Variants in ATXN7L1 observed in about 807,000 individuals in gnomAD.
ATXN7L1 encodes the protein ataxin-7-like protein 1.
A neutral mutation model predicts 70.8 loss-of-function variants in ATXN7L1; 15 were observed. The observed-to-expected ratio is 0.21, with a 90% CI of 0.14 to 0.33. ATXN7L1 has a LOEUF of 0.33. ATXN7L1 is among the 10% of genes least tolerant of loss of function. ATXN7L1 has a pLI of 1.00. For missense variants in ATXN7L1, 975 were observed against 1,097.1 expected, an observed-to-expected ratio of 0.89 and a Z score of 1.57; for synonymous variants, 440 against 445.1, an observed-to-expected ratio of 0.99 and a Z score of 0.14.
chr7:105,663,857 C>A (rs1026713269), intron 4 of ATXN7L1, among the ~76,000 whole-genome samples: 6 of 152,108 alleles, frequency 3.9e-5, no homozygotes, highest in Non-Finnish European at 5.9e-5. Flanking sequence ...CCTCTGCCTC[C>A]CGGGTTGAAG....
intron 3 of ATXN7L1, among the ~76,000 whole-genome samples, chr7:105,721,019 A>G (rs1795121334): frequency 6.6e-6 from 1 of 152,060 alleles, no homozygotes; most frequent in African/African-American, 2.4e-5. Context: ...CTCTAACCCC[A>G]CACAAATTCT....
At chr7:105,729,203 C>G (rs556519119) in intron 3 of ATXN7L1, among the ~76,000 whole-genome samples, 2 of 151,540 alleles carry the variant, frequency 1.3e-5, no homozygotes, top group Non-Finnish European at 2.9e-5. Flanking sequence ...GCCAGGAGGT[C>G]GAGGCTACAG....
At chr7:105,753,819 G>T (rs1799474920) in intron 3 of ATXN7L1, among the ~76,000 whole-genome samples, 1 of 152,208 alleles carries the variant, frequency 6.6e-6, no homozygotes, top group Non-Finnish European at 1.5e-5. Flanking sequence ...CTATTTATGG[G>T]AGTTTTCTCT....
chr7:105,663,100 G>A (rs1462789484), intron 4 of ATXN7L1, among the ~76,000 whole-genome samples: 1 of 152,176 alleles, frequency 6.6e-6, no homozygotes, highest in East Asian at 1.9e-4. Context: ...ACACCATGCA[G>A]CCCCAGTAAA....
At chr7:105,841,902 C>T (rs929417212) in intron 2 of ATXN7L1, among the ~76,000 whole-genome samples, 4 of 152,186 alleles carry the variant, frequency 2.6e-5, no homozygotes, top group Non-Finnish European at 5.9e-5. Context: ...GACTACTGGA[C>T]TAATGCCTAG....
chr7:105,628,721 A>C (rs1467344909), intron 7 of ATXN7L1, among the ~76,000 whole-genome samples: 6 of 151,856 alleles, frequency 4.0e-5, no homozygotes, highest in Non-Finnish European at 7.4e-5. Flanking sequence ...TGAACCCGGG[A>C]GGCAGAGTTT....
At chr7:105,640,574 C>T (rs930002669) in intron 5 of ATXN7L1, among the ~76,000 whole-genome samples, 2 of 152,186 alleles carry the variant, frequency 1.3e-5, no homozygotes, top group African/African-American at 4.8e-5. Flanking sequence ...CGCTCCGTTA[C>T]CCAGGCTGAA....
chr7:105,642,117 C>A (rs1724540966), intron 5 of ATXN7L1, among the ~76,000 whole-genome samples: 1 of 152,182 alleles, frequency 6.6e-6, no homozygotes, highest in Admixed American at 6.5e-5. Flanking sequence ...ACGTTTAGTT[C>A]TACAGCAGAT....
chr7:105,724,987 C>CTGGCTGACTTCTTTTATTGG lies in ATXN7L1; in HGVS notation c.356-59719_356-59700dup, dbSNP rs1386364263. On this transcript the variant is annotated intron_variant, in intron 3 of 11. Coordinates refer to ENST00000419735, the MANE Select transcript of ATXN7L1 (RefSeq NM_020725.2). ...GATTATAAGGCATGTATCACTATGC[C>CTGGCTGACTTCTTTTATTGG]TGGCTGACTTCTTTTATTGGTGCCC... Among the ~76,000 whole-genome samples, 6 of 152,038 alleles carry CTGGCTGACTTCTTTTATTGG rather than the reference C, an allele frequency of 3.9e-5. No homozygotes were observed. The East Asian group carries it at 1.2e-3, about 29-fold the overall frequency.
chr7:105,863,617 C>T (rs1390939337), intron 2 of ATXN7L1, among the ~76,000 whole-genome samples: 1 of 152,194 alleles, frequency 6.6e-6, no homozygotes, highest in African/African-American at 2.4e-5. Flanking sequence ...GTGCTTAGAG[C>T]ACAGTCTCTG....
intron 7 of ATXN7L1, among the ~76,000 whole-genome samples, chr7:105,628,175 C>T (rs1464121600): frequency 3.3e-5 from 5 of 151,968 alleles, no homozygotes; most frequent in Admixed American, 6.6e-5. Flanking sequence ...ATTTGGAAGG[C>T]GTCTGAGGTG....
chr7:105,736,236 G>C (rs555395719), intron 3 of ATXN7L1, among the ~76,000 whole-genome samples: 1 of 152,248 alleles, frequency 6.6e-6, no homozygotes, highest in Non-Finnish European at 1.5e-5. Context: ...AATGCATGAG[G>C]AACAGGGAAG....
chr7:105,792,309 T>A (rs572766424), intron 2 of ATXN7L1, among the ~76,000 whole-genome samples: 34 of 152,286 alleles, frequency 2.2e-4, no homozygotes, highest in African/African-American at 7.2e-4. Flanking sequence ...GGAATCTGCT[T>A]GATTATTCCT....
In ATXN7L1 at chr7:105,607,835, G is replaced by A; in HGVS notation, c.*17C>T. 1 of 1,550,914 alleles carries A rather than the reference G, an allele frequency of 6.4e-7. No homozygotes were observed. Among genetic ancestry groups the A allele is most frequent in the Non-Finnish European group, 8.7e-7 (1 of 1,146,054 alleles). Reference sequence around the variant, plus strand: ...TAGGTGGCCTGGAATTGATGTGGAAGTGGCTTCATAGTCTTGTTATGGAAG... The same window carrying A: ...TAGGTGGCCTGGAATTGATGTGGAAATGGCTTCATAGTCTTGTTATGGAAG... On this transcript the variant is annotated 3_prime_UTR_variant, in exon 12 of 12. Coordinates refer to ENST00000419735, the MANE Select transcript of ATXN7L1 (RefSeq NM_020725.2).
At chr7:105,773,025 C>A (rs924047650) in intron 3 of ATXN7L1, among the ~76,000 whole-genome samples, 3 of 152,092 alleles carry the variant, frequency 2.0e-5, no homozygotes, top group Admixed American at 1.3e-4. Flanking sequence ...AACAAGAAAT[C>A]AAAAATAAAA....
At chr7:105,623,976 C>T (rs1795304389) in intron 8 of ATXN7L1, 99 bp downstream of exon 8, 1 of 1,131,148 alleles carries the variant, frequency 8.8e-7, no homozygotes, top group Non-Finnish European at 1.1e-6. Context: ...ACTGCGCAGG[C>T]AGCCTTGCCT....
At chr7:105,662,106 C>A (rs28578621) in intron 4 of ATXN7L1, among the ~76,000 whole-genome samples, 1 of 74,698 alleles carries the variant, frequency 1.3e-5, no homozygotes, top group African/African-American at 4.4e-5. Context: ...CTTTTCTTTT[C>A]TTTTTTTTTT....
chr7:105,670,834 C>T (rs1803445128), intron 3 of ATXN7L1, among the ~76,000 whole-genome samples: 1 of 150,152 alleles, frequency 6.7e-6, no homozygotes, highest in African/African-American at 2.5e-5. Flanking sequence ...TAGCCGGGCG[C>T]GGTGGCTCAC....
intron 2 of ATXN7L1, among the ~76,000 whole-genome samples, chr7:105,797,397 C>A (rs1365880714): frequency 1.3e-5 from 2 of 152,326 alleles, no homozygotes; most frequent in East Asian, 3.9e-4. Flanking sequence ...CCCACTTCCT[C>A]AGGAGAAGGA....
Sources: allele counts gnomAD v4.1 joint callset (sites outside exome capture counted in the v4.1 genomes callset), GRCh38; gene constraint gnomAD v4.1.1; transcripts MANE v1.5; gene names NCBI Gene and HGNC (gene_info 2026-07-23, HGNC 2026-07-21).